ARHGAP42: variants seen among roughly 807,000 people sequenced by gnomAD.
ARHGAP42 encodes the protein Rho GTPase activating protein 42, also known as rho GTPase-activating protein 42.
Under a neutral mutation model 125.0 loss-of-function variants are expected in ARHGAP42, and 63 were observed. The observed-to-expected ratio is 0.50, with a 90% CI of 0.41 to 0.62. The LOEUF (loss-of-function observed/expected upper bound fraction) is 0.62, where lower values mean the gene tolerates loss of function less well. Ranked by LOEUF, ARHGAP42 falls within the 20% of genes least tolerant of loss-of-function variation. The probability of loss-of-function intolerance (pLI) is 0.00; values close to 1 mark genes in which losing one functional copy is unlikely to be tolerated. For missense variants in ARHGAP42, 766 were observed against 1,024.2 expected, an observed-to-expected ratio of 0.75 and a Z score of 3.44; for synonymous variants, 339 against 351.0, an observed-to-expected ratio of 0.97 and a Z score of 0.38.
intron 1 of ARHGAP42, among the ~76,000 whole-genome samples, chr11:100,732,526 A>C (rs1331715362): frequency 6.6e-6 from 1 of 152,178 alleles, no homozygotes; most frequent in Non-Finnish European, 1.5e-5. Flanking sequence ...ACAGCCGTTC[A>C]TGTCTGGCTT....
intron 1 of ARHGAP42, among the ~76,000 whole-genome samples, chr11:100,697,413 A>C (rs1023189182): frequency 6.6e-6 from 1 of 151,930 alleles, no homozygotes; most frequent in Non-Finnish European, 1.5e-5. Flanking sequence ...CCATCTCCTG[A>C]CCTCGTGATC....
intron 1 of ARHGAP42, among the ~76,000 whole-genome samples, chr11:100,739,623 G>A (rs1382486568): frequency 6.6e-6 from 1 of 152,106 alleles, no homozygotes; most frequent in African/African-American, 2.4e-5. Context: ...AAAATGTAAT[G>A]TACGAAGGTA....
chr11:100,926,094 G>T (rs1223394014), intron 6 of ARHGAP42, among the ~76,000 whole-genome samples: 1 of 152,108 alleles, frequency 6.6e-6, no homozygotes, highest in African/African-American at 2.4e-5. Context: ...CTTAGAAAAC[G>T]GAATCTTGTT....
chr11:100,897,586 T>C (rs1247631966), intron 4 of ARHGAP42, among the ~76,000 whole-genome samples: 1 of 152,172 alleles, frequency 6.6e-6, no homozygotes, highest in African/African-American at 2.4e-5. Context: ...CTAGGTATTT[T>C]ATTCTCTTTG....
chr11:100,937,080 ACATGATTAAGT>A (rs1867757342), intron 8 of ARHGAP42, among the ~76,000 whole-genome samples: 1 of 152,214 alleles, frequency 6.6e-6, no homozygotes, highest in Non-Finnish European at 1.5e-5. Flanking sequence ...TGTATGTGCA[ACATGATTAAGT>A]GATGCTCATT....
Position 100,979,082 on chromosome 11 carries a change from A to G in ARHGAP42, c.2456+33A>G, listed in dbSNP as rs1156465469. On this transcript the variant is annotated intron_variant, in intron 22 of 23. Transcript: ENST00000298815. ...CTCCAAACCCTTAAATGCATCTAAA[A>G]AAAAGTGGTGACATTGTTGCTTTGT... is the stretch of plus-strand genomic sequence containing the variant. 3.2e-6 allele frequency: 5 copies of G among 1,547,820 alleles called. No individual in the cohort carries two copies. The East Asian group carries it at 7.3e-5, about 23-fold the overall frequency.
intron 3 of ARHGAP42, among the ~76,000 whole-genome samples, chr11:100,816,550 A>T (rs1864271689): frequency 6.6e-6 from 1 of 152,206 alleles, no homozygotes. Flanking sequence ...AACATTTTTT[A>T]CTGTGCATTT....
intron 1 of ARHGAP42, among the ~76,000 whole-genome samples, chr11:100,730,848 C>T (rs560932745): frequency 6.6e-6 from 1 of 152,264 alleles, no homozygotes; most frequent in African/African-American, 2.4e-5. Flanking sequence ...ACCTGTACAG[C>T]ATATGATTGT....
At chr11:100,821,345 T>TA (rs1032484093) in intron 3 of ARHGAP42, among the ~76,000 whole-genome samples, 1 of 152,126 alleles carries the variant, frequency 6.6e-6, no homozygotes, top group African/African-American at 2.4e-5. Context: ...AAAGTGTGGC[T>TA]AGAGTGAGGC....
Position 100,867,497 on chromosome 11 carries a change from A to G in ARHGAP42, c.384+7872A>G, listed in dbSNP as rs146933396. On this transcript the variant is annotated intron_variant, in intron 4 of 23. Coordinates refer to ENST00000298815, the MANE Select transcript of ARHGAP42 (RefSeq NM_152432.4). ...GAACCAACCTCTGCTAGCTTCAAAC[A>G]TTTCTTCTGCAATTTCCTTATTTCT... Among the ~76,000 whole-genome samples, 340 of 152,278 alleles carry G rather than the reference A, an allele frequency of 2.2e-3. 2 individuals carry two copies. Among genetic ancestry groups the G allele is most frequent in the African/African-American group, 7.9e-3 (328 of 41,562 alleles).
intron 3 of ARHGAP42, chr11:100,840,800 A>C (rs1236620558): frequency 1.3e-5 from 2 of 152,140 alleles, no homozygotes; most frequent in Non-Finnish European, 2.9e-5. Flanking sequence ...TTGTTCCCAA[A>C]TTTGTATTAA....
At chr11:100,742,237 G>T (rs1862203412) in intron 1 of ARHGAP42, among the ~76,000 whole-genome samples, 1 of 152,182 alleles carries the variant, frequency 6.6e-6, no homozygotes, top group African/African-American at 2.4e-5. Context: ...ATACCCTTGT[G>T]TTGTAATGTT....
At chr11:100,839,744 G>T (rs1054547609) in intron 3 of ARHGAP42, 1 of 152,156 alleles carries the variant, frequency 6.6e-6, no homozygotes, top group Non-Finnish European at 1.5e-5. Flanking sequence ...CTCCATGCAC[G>T]TCCCTCCCAA....
chr11:100,976,423 T>C lies in ARHGAP42; in HGVS notation c.2222T>C (p.Ile741Thr), dbSNP rs1245986817. Residue 741 changes from isoleucine to threonine, a missense_variant, in exon 20 of 24, where the codon ATC (isoleucine) becomes ACC (threonine). By Grantham distance (89) the Ile-to-Thr change is moderately conservative. This residue lies in a region of ARHGAP42 where 308 missense variants were observed against 369.7 expected (regional missense o/e 0.83). Coordinates refer to ENST00000298815, the MANE Select transcript of ARHGAP42 (RefSeq NM_152432.4). ...KRASASSLRS[I>T]SAAEGNKSYS... ...GCTTCTGCTTCTTCTCTCAGATCCA[T>C]CTCTGCAGCTGAAGGTAAGGCAGAG... The C allele has an allele frequency of 2.0e-6, 3 of 1,530,426 alleles. No individual in the cohort carries two copies. The highest frequency in any genetic ancestry group is 2.8e-5 in the African/African-American group (2 of 72,480). 94.8% of individuals were successfully genotyped at this position (1,530,426 alleles called of 1,614,324 possible).
At chr11:100,826,943 C>T (rs182820510) in intron 3 of ARHGAP42, among the ~76,000 whole-genome samples, 38 of 148,988 alleles carry the variant, frequency 2.6e-4, no homozygotes, top group East Asian at 9.8e-4. Flanking sequence ...AGGGTGGCAA[C>T]GGGGAAAGAA....
At chr11:100,703,992 G>A (rs73573332) in intron 1 of ARHGAP42, among the ~76,000 whole-genome samples, 2,025 of 152,288 alleles carry the variant, frequency 0.013, 61 homozygotes, top group African/African-American at 0.046. Flanking sequence ...GATCATCCAG[G>A]CAGTTATTGG....
At chr11:100,805,383 C>G (rs996078998) in intron 3 of ARHGAP42, among the ~76,000 whole-genome samples, 2 of 151,976 alleles carry the variant, frequency 1.3e-5, no homozygotes, top group Admixed American at 6.6e-5. Context: ...CAATATCTTA[C>G]AAAAATTAGG....
At chr11:100,836,191 G>C (rs1210163587) in intron 3 of ARHGAP42, among the ~76,000 whole-genome samples, 1 of 151,958 alleles carries the variant, frequency 6.6e-6, no homozygotes, top group Non-Finnish European at 1.5e-5. Flanking sequence ...GTTATTAGTA[G>C]AGTTTAATCT....
intron 2 of ARHGAP42, among the ~76,000 whole-genome samples, chr11:100,777,539 T>C (rs923265734): frequency 6.6e-6 from 1 of 152,254 alleles, no homozygotes; most frequent in African/African-American, 2.4e-5. Context: ...TATTTGATTC[T>C]GTTTCCCAAA....
Sources: allele counts gnomAD v4.1 joint callset (sites outside exome capture counted in the v4.1 genomes callset), GRCh38; gene constraint gnomAD v4.1.1; regional missense constraint gnomAD v4.1.1; transcripts MANE v1.5; gene names NCBI Gene and HGNC (gene_info 2026-07-23, HGNC 2026-07-21).